RFTN1: variants seen among roughly 807,000 people sequenced by gnomAD.
RFTN1 encodes the protein raftlin, lipid raft linker 1.
In RFTN1, 26 loss-of-function variants were observed where a neutral mutation model predicts 46.5. The observed-to-expected ratio is 0.56, with a 90% CI of 0.41 to 0.78. The LOEUF (loss-of-function observed/expected upper bound fraction) is 0.78. RFTN1 is among the 30% of genes least tolerant of loss of function. RFTN1 has a pLI of 0.00. For synonymous variants in RFTN1, 261 were observed against 284.2 expected (o/e 0.92, Z 0.82); for missense variants, 693 against 718.7 (o/e 0.96, Z 0.41).
Position 16,448,769 on chromosome 3 carries a change from T to C in RFTN1, c.146-14732A>G, listed in dbSNP as rs1264358196. On this transcript the variant is annotated intron_variant, in intron 2 of 9. Coordinates refer to ENST00000334133, the MANE Select transcript of RFTN1 (RefSeq NM_015150.2). This position sits in a 1 kb window ranked among gnomAD's most constrained non-coding sequence, Gnocchi z 4.1. ...CTGCCCCATTGGCAGGCCCCAAACA[T>C]CCTCCTGAGTCACAAGTCTCACCCC... Among the ~76,000 whole-genome samples the C allele has an allele frequency of 6.6e-6, 1 of 152,072 alleles. No homozygotes were observed. The highest frequency in any genetic ancestry group is 1.9e-4 in the East Asian group (1 of 5,192).
Position 16,357,999 on chromosome 3 carries a change from G to C in RFTN1, c.1079C>G (p.Ser360Cys). Residue 360 changes from serine to cysteine, a missense_variant, in exon 7 of 10, where the codon TCC becomes TGC. Transcript: ENST00000334133. ...TDGVFIFEAVSTEDSKTIQGY... is the reference protein window; with the variant it reads ...TDGVFIFEAVCTEDSKTIQGY... ...CTGTATGGTTTTGCTATCTTCTGTGGAAACAGCTTCAAAGATGAATACTCC... is the reference window on the plus strand; with the variant it reads ...CTGTATGGTTTTGCTATCTTCTGTGCAAACAGCTTCAAAGATGAATACTCC... The C allele has an allele frequency of 6.7e-7, 1 of 1,501,866 alleles. No individual in the cohort carries two copies. Among genetic ancestry groups the C allele is most frequent in the Non-Finnish European group, 8.9e-7 (1 of 1,117,734 alleles). 93.0% of individuals were successfully genotyped at this position (1,501,866 alleles called of 1,614,324 possible).
At chr3:16,398,137 C>T (rs1400635043) in intron 4 of RFTN1, among the ~76,000 whole-genome samples, 1 of 151,654 alleles carries the variant, frequency 6.6e-6, no homozygotes, top group African/African-American at 2.4e-5. Context: ...ATCCCAGCTA[C>T]TCGGGAGGCT....
chr3:16,419,235 G>A (rs1009577390), intron 3 of RFTN1, among the ~76,000 whole-genome samples: 1 of 152,168 alleles, frequency 6.6e-6, no homozygotes, highest in Non-Finnish European at 1.5e-5. Context: ...GTTAGAACGA[G>A]TCTGTGACTG....
At chr3:16,394,932 G>C (rs2074433556) in intron 4 of RFTN1, among the ~76,000 whole-genome samples, 1 of 152,026 alleles carries the variant, frequency 6.6e-6, no homozygotes, top group African/African-American at 2.4e-5. Context: ...AAGTAAATAG[G>C]ATGAGCTTGA....
At chr3:16,503,732 G>A (rs2076752362) in intron 1 of RFTN1, among the ~76,000 whole-genome samples, 1 of 152,028 alleles carries the variant, frequency 6.6e-6, no homozygotes, top group South Asian at 2.1e-4. Context: ...CCCCTTCCCA[G>A]TCTCCTCTGC....
intron 2 of RFTN1, among the ~76,000 whole-genome samples, chr3:16,462,799 G>A (rs948318290): frequency 2.0e-5 from 3 of 152,220 alleles, no homozygotes; most frequent in Non-Finnish European, 4.4e-5. Context: ...ACCTCAATGG[G>A]TGCAGGTCTC....
In RFTN1 at chr3:16,443,033, A is replaced by C. The variant is rs189443554; in HGVS notation, c.146-8996T>G. Among the ~76,000 whole-genome samples the C allele has an allele frequency of 1.3e-5, 2 of 152,358 alleles. No homozygotes were observed. ...TCCTGGCTATTGTGAATAATGCTGC[A>C]TGGAGTGCAGATATCTCTTCAACAT... is the stretch of plus-strand genomic sequence containing the variant. On this transcript the variant is annotated intron_variant, in intron 2 of 9. Transcript: ENST00000334133. This position sits in a 1 kb window ranked among gnomAD's most constrained non-coding sequence, Gnocchi z 5.5.
intron 4 of RFTN1, among the ~76,000 whole-genome samples, chr3:16,401,907 T>C (rs899868673): frequency 1.4e-4 from 22 of 152,230 alleles, no homozygotes; most frequent in African/African-American, 4.6e-4. Context: ...AACTGCCCCT[T>C]GAGATGGGCA....
chr3:16,490,513 C>G (rs1031475696), intron 2 of RFTN1, among the ~76,000 whole-genome samples: 1 of 152,206 alleles, frequency 6.6e-6, no homozygotes, highest in Non-Finnish European at 1.5e-5. Flanking sequence ...TGGCTTGAAT[C>G]TCAACTTCAT....
At chr3:16,464,809 C>T (rs186201336) in intron 2 of RFTN1, among the ~76,000 whole-genome samples, 9 of 152,350 alleles carry the variant, frequency 5.9e-5, no homozygotes, top group African/African-American at 2.2e-4. Context: ...CCACATCACC[C>T]ACAAAGCCCA....
intron 2 of RFTN1, among the ~76,000 whole-genome samples, chr3:16,476,761 T>C (rs2076287974): frequency 6.6e-6 from 1 of 152,192 alleles, no homozygotes; most frequent in Admixed American, 6.5e-5. Flanking sequence ...GGAAACTGTT[T>C]GTTTACTTTC....
At chr3:16,415,330 A>C (rs2075052300) in intron 3 of RFTN1, among the ~76,000 whole-genome samples, 1 of 151,176 alleles carries the variant, frequency 6.6e-6, no homozygotes, top group African/African-American at 2.4e-5. Flanking sequence ...GGGGGGAAGA[A>C]AGATAATTCA....
At chr3:16,470,961 C>A (rs1226759344) in intron 2 of RFTN1, among the ~76,000 whole-genome samples, 2 of 152,154 alleles carry the variant, frequency 1.3e-5, no homozygotes, top group Non-Finnish European at 2.9e-5. Flanking sequence ...TCTGTCCAAC[C>A]TACCTCACAG....
At position 16,481,129 on chromosome 3, in the gene RFTN1, A is replaced by C. The variant is rs1431757223; in HGVS notation, c.145+12596T>G. Among the ~76,000 whole-genome samples, 1 of 152,140 alleles carries C rather than the reference A, an allele frequency of 6.6e-6. No individual in the cohort carries two copies. The highest frequency in any genetic ancestry group is 1.5e-5 in the Non-Finnish European group (1 of 68,038). On this transcript the variant is annotated intron_variant, in intron 2 of 9. Transcript: ENST00000334133. This position sits in a 1 kb window ranked among gnomAD's most constrained non-coding sequence, Gnocchi z 5.1. The stretch of plus-strand genomic sequence containing the variant: ...TGAAGAGTTTTTACATTCAGAAAGG[A>C]ATGCAAAGGAATGTAAAGAATGCCT...
rs1175920053 is a variant in RFTN1 at position 16,403,914 on chromosome 3, TTA to T, written c.441+5459_441+5460del. On this transcript the variant is annotated intron_variant, in intron 4 of 9. Coordinates refer to ENST00000334133, the MANE Select transcript of RFTN1 (RefSeq NM_015150.2). Reference sequence around the variant, plus strand: ...ATATATATTTTATATATATTATATTTTATATATAATATATTATATTTATATAT... The same window carrying T: ...ATATATATTTTATATATATTATATTTTATATAATATATTATATTTATATAT... Among the ~76,000 whole-genome samples the T allele has an allele frequency of 2.0e-3, 31 of 15,558 alleles. 6 individuals carry two copies. Among genetic ancestry groups the T allele is most frequent in the Non-Finnish European group, 2.7e-3 (27 of 10,042 alleles). 10.2% of individuals were successfully genotyped at this position (15,558 alleles called of 152,430 possible).
At position 16,460,921 on chromosome 3, in the gene RFTN1, T is replaced by A. The variant is rs1338450182; in HGVS notation, c.146-26884A>T. ...AGGCTGGCCAGACTTCTTCAACAAA[T>A]GACAGACAAAGCAGGTTTGGTCCCA... is the stretch of plus-strand genomic sequence containing the variant. On this transcript the variant is annotated intron_variant, in intron 2 of 9. Transcript: ENST00000334133. This position sits in a 1 kb window ranked among gnomAD's most constrained non-coding sequence, Gnocchi z 4.8. Among the ~76,000 whole-genome samples the A allele has an allele frequency of 5.9e-5, 9 of 152,272 alleles. No homozygotes were observed. The East Asian group carries it at 1.4e-3, about 23-fold the overall frequency.
At chr3:16,318,666 T>G (rs2068701193) in intron 9 of RFTN1, among the ~76,000 whole-genome samples, 1 of 152,234 alleles carries the variant, frequency 6.6e-6, no homozygotes, top group Non-Finnish European at 1.5e-5. Flanking sequence ...AATGTTCCAT[T>G]AAAGTAGAGA....
At chr3:16,444,217 C>T (rs1364781562) in intron 2 of RFTN1, among the ~76,000 whole-genome samples, 4 of 152,120 alleles carry the variant, frequency 2.6e-5, no homozygotes, top group African/African-American at 9.7e-5. Flanking sequence ...TGATAGCTGG[C>T]ATTCTTGGTA....
chr3:16,487,291 C>T (rs555102251), intron 2 of RFTN1, among the ~76,000 whole-genome samples: 31 of 152,338 alleles, frequency 2.0e-4, no homozygotes, highest in Non-Finnish European at 4.1e-4. Flanking sequence ...TCAATGAATC[C>T]TCTTATGGTC....
Sources: allele counts gnomAD v4.1 joint callset (sites outside exome capture counted in the v4.1 genomes callset), GRCh38; gene constraint gnomAD v4.1.1; non-coding constraint Gnocchi (gnomAD v3.1); transcripts MANE v1.5; gene names NCBI Gene and HGNC (gene_info 2026-07-23, HGNC 2026-07-21).